Variants in DENND1A observed in about 807,000 individuals in gnomAD.
DENND1A encodes the protein DENN domain containing 1A.
Under a neutral mutation model 113.7 loss-of-function variants are expected in DENND1A, and 51 were observed. The ratio of observed to expected loss-of-function variants is 0.45; its 90% confidence interval spans 0.36 to 0.57. The LOEUF is 0.57. DENND1A is among the 20% of genes least tolerant of loss of function. The pLI, the probability that DENND1A is intolerant of heterozygous loss-of-function variation, is 0.00. For synonymous variants in DENND1A, 565 were observed against 570.8 expected (o/e 0.99, Z 0.14); for missense variants, 1,258 against 1,395.9 (o/e 0.90, Z 1.57).
intron 11 of DENND1A, among the ~76,000 whole-genome samples, chr9:123,607,577 T>C (rs1443531426): frequency 1.5e-5 from 2 of 133,418 alleles, no homozygotes; most frequent in East Asian, 5.0e-4. Flanking sequence ...TGTGTGTGTG[T>C]GTGCAGACAA....
In DENND1A at chr9:123,607,464, G is replaced by A. The variant is rs114790009; in HGVS notation, c.765+1972C>T. Among the ~76,000 whole-genome samples the A allele has an allele frequency of 7.4e-3, 1,042 of 140,662 alleles. 10 individuals carry two copies. The highest frequency in any genetic ancestry group is 0.026 in the African/African-American group (981 of 37,498). The allele number at this position is 140,662 out of a possible 152,430, so 92.3% of individuals were successfully genotyped here. A position where few individuals can be genotyped will look rare whatever the true frequency, so the allele number is the denominator to read the frequency against. ...GAAGGGGAGTGGAGTGGCTTAGAGAGAGAGAGAGAGACACAGAGAGAGAGA... is the reference window on the plus strand; with the variant it reads ...GAAGGGGAGTGGAGTGGCTTAGAGAAAGAGAGAGAGACACAGAGAGAGAGA... On this transcript the variant is annotated intron_variant, in intron 11 of 23. Coordinates refer to ENST00000394215, the MANE Select transcript of DENND1A (RefSeq NM_001352964.2).
intron 5 of DENND1A, among the ~76,000 whole-genome samples, chr9:123,717,604 C>T (rs1389670166): frequency 6.6e-6 from 1 of 152,180 alleles, no homozygotes. Flanking sequence ...AGTCTCAAAT[C>T]ATTTTAGCTC....
chr9:123,616,338 A>G (rs1335682433), intron 10 of DENND1A, among the ~76,000 whole-genome samples: 1 of 152,194 alleles, frequency 6.6e-6, no homozygotes, highest in African/African-American at 2.4e-5. Flanking sequence ...CGCTACTCTT[A>G]CTTGCTAGTG....
intron 1 of DENND1A, among the ~76,000 whole-genome samples, chr9:123,917,105 A>C (rs1855295334): frequency 6.6e-6 from 1 of 152,030 alleles, no homozygotes; most frequent in Non-Finnish European, 1.5e-5. Flanking sequence ...AATCACTCGA[A>C]CACAGGAGGC....
intron 5 of DENND1A, among the ~76,000 whole-genome samples, chr9:123,694,284 C>T (rs1274088356): frequency 2.6e-5 from 4 of 152,194 alleles, no homozygotes; most frequent in Non-Finnish European, 4.4e-5. Flanking sequence ...TCCCAGAGGT[C>T]TGGCCGTAAT....
At chr9:123,853,226 T>A (rs1462626422) in intron 2 of DENND1A, among the ~76,000 whole-genome samples, 2 of 151,780 alleles carry the variant, frequency 1.3e-5, no homozygotes. Flanking sequence ...CCTTTAAATT[T>A]TATTATAAAT....
chr9:123,458,063 C>A (rs1455822017), intron 13 of DENND1A, among the ~76,000 whole-genome samples, 166 bp from the exon 14 acceptor site: 1 of 147,214 alleles, frequency 6.8e-6, no homozygotes, highest in South Asian at 2.1e-4. Flanking sequence ...TACAGTGGTG[C>A]CATCTTGGCT....
intron 9 of DENND1A, among the ~76,000 whole-genome samples, chr9:123,651,801 G>A (rs970244405): frequency 6.6e-6 from 1 of 151,892 alleles, no homozygotes; most frequent in African/African-American, 2.4e-5. Flanking sequence ...CAAATGGAAA[G>A]CTATTTATAA....
chr9:123,509,925 G>A (rs2053302581), intron 13 of DENND1A, among the ~76,000 whole-genome samples: 1 of 152,170 alleles, frequency 6.6e-6, no homozygotes, highest in South Asian at 2.1e-4. Context: ...CCTTATTTCT[G>A]AGAAGTTGCC....
chr9:123,478,542 A>T, intron 13 of DENND1A, among the ~76,000 whole-genome samples: 1 of 152,168 alleles, frequency 6.6e-6, no homozygotes, highest in Non-Finnish European at 1.5e-5. Flanking sequence ...AGTGCCTGCT[A>T]CTCACGTTCA....
In DENND1A at chr9:123,602,660, A is replaced by G. The variant is rs375854953; in HGVS notation, c.765+6776T>C. ...CTATCAGGTGAGATTTTTCATGCAA[A>G]TATCACTTTTTATTTCATTTTATTT... On this transcript the variant is annotated intron_variant, in intron 11 of 23. Coordinates refer to ENST00000394215, the MANE Select transcript of DENND1A (RefSeq NM_001352964.2). Among the ~76,000 whole-genome samples, 17 of 152,290 alleles carry G rather than the reference A, an allele frequency of 1.1e-4. No homozygotes were observed. In the East Asian group the frequency reaches 2.3e-3, roughly 21 times the overall value.
At chr9:123,903,595 CAAAG>C (rs1409498571) in intron 1 of DENND1A, among the ~76,000 whole-genome samples, 1 of 152,116 alleles carries the variant, frequency 6.6e-6, no homozygotes, top group East Asian at 1.9e-4. Context: ...CTTTCCGAGT[CAAAG>C]AAAGAGGTGA....
intron 19 of DENND1A, among the ~76,000 whole-genome samples, chr9:123,424,719 T>G (rs1456098053): frequency 6.6e-6 from 1 of 152,242 alleles, no homozygotes; most frequent in Non-Finnish European, 1.5e-5. Context: ...ACTTACTGTG[T>G]GACCTTGGTC....
At chr9:123,916,960 T>C (rs1332529875) in intron 1 of DENND1A, among the ~76,000 whole-genome samples, 1 of 151,832 alleles carries the variant, frequency 6.6e-6, no homozygotes, top group Non-Finnish European at 1.5e-5. Context: ...GAGGCCAAAG[T>C]GGGCAGATCA....
chr9:123,429,660 G>C (rs2045991880), intron 19 of DENND1A, among the ~76,000 whole-genome samples: 1 of 152,084 alleles, frequency 6.6e-6, no homozygotes, highest in Non-Finnish European at 1.5e-5. Context: ...ATTGAAAGTA[G>C]ACCCCTTCCT....
intron 1 of DENND1A, among the ~76,000 whole-genome samples, chr9:123,882,718 C>G (rs1008374403): frequency 2.2e-4 from 34 of 152,136 alleles, no homozygotes; most frequent in Non-Finnish European, 7.4e-5. Flanking sequence ...CACTTCTTTG[C>G]TCAAATCTCC....
chr9:123,852,187 T>C (rs1340039112), intron 2 of DENND1A, among the ~76,000 whole-genome samples: 1 of 152,192 alleles, frequency 6.6e-6, no homozygotes, highest in South Asian at 2.1e-4. Context: ...CTCTTTAGTT[T>C]ACAAATTGAG....
intron 2 of DENND1A, among the ~76,000 whole-genome samples, chr9:123,797,884 C>A (rs1230848871): frequency 6.6e-6 from 1 of 151,728 alleles, no homozygotes; most frequent in African/African-American, 2.4e-5. Flanking sequence ...TCAAAAAATA[C>A]TGATTCTAAA....
chr9:123,395,513 A>T (rs1588306859), intron 21 of DENND1A, among the ~76,000 whole-genome samples: 1 of 129,102 alleles, frequency 7.7e-6, no homozygotes, highest in African/African-American at 2.8e-5. Context: ...AGAGAGAGAG[A>T]GTGAGAGTGA....
Sources: allele counts gnomAD v4.1 joint callset (sites outside exome capture counted in the v4.1 genomes callset), GRCh38; gene constraint gnomAD v4.1.1; transcripts MANE v1.5; gene names NCBI Gene and HGNC (gene_info 2026-07-23, HGNC 2026-07-21).